Variants in SNTG1 observed in about 807,000 individuals in gnomAD.
SNTG1 encodes the protein syntrophin gamma 1.
SNTG1 carries 39 observed loss-of-function variants against 74.7 expected under a neutral mutation model. That is an observed-to-expected ratio of 0.52 (90% CI 0.40 to 0.68). The LOEUF (loss-of-function observed/expected upper bound fraction) is 0.68. Among genes scored for constraint, SNTG1 ranks in the 30% least tolerant of loss-of-function variants. SNTG1 has a pLI of 0.00. For synonymous variants in SNTG1, 254 were observed against 217.1 expected, an observed-to-expected ratio of 1.17 and a Z score of -1.49; for missense variants, 685 against 609.5, an observed-to-expected ratio of 1.12 and a Z score of -1.30.
chr8:50,337,918 T>C (rs556954551), intron 2 of SNTG1, among the ~76,000 whole-genome samples: 24 of 152,194 alleles, frequency 1.6e-4, no homozygotes, highest in Admixed American at 1.1e-3. Flanking sequence ...GGGCGGATCA[T>C]GAGGTCAGGA....
chr8:50,375,164 G>A (rs192451125), intron 2 of SNTG1, among the ~76,000 whole-genome samples: 87 of 152,218 alleles, frequency 5.7e-4, no homozygotes, highest in Non-Finnish European at 1.0e-3. Context: ...CATCATTTCT[G>A]AAACTCTATG....
At chr8:50,076,032 A>G (rs1821848357) in intron 1 of SNTG1, among the ~76,000 whole-genome samples, 1 of 152,212 alleles carries the variant, frequency 6.6e-6, no homozygotes. Context: ...CAGATCATAC[A>G]AGGTGCAAAT....
chr8:50,360,042 T>A (rs1024063874), intron 2 of SNTG1, among the ~76,000 whole-genome samples: 1 of 152,156 alleles, frequency 6.6e-6, no homozygotes, highest in African/African-American at 2.4e-5. Context: ...GATAAATTAA[T>A]GAGTGACTCA....
At position 50,405,442 on chromosome 8, in the gene SNTG1, C is replaced by T. The variant is rs186277291; in HGVS notation, c.162+3098C>T. Among the ~76,000 whole-genome samples the T allele has an allele frequency of 3.3e-5, 5 of 152,068 alleles. No individual in the cohort carries two copies. In the East Asian group the frequency reaches 5.8e-4, roughly 18 times the overall value. On this transcript the variant is annotated intron_variant, in intron 4 of 18. Transcript: ENST00000642720. ...TTTATGTGCTTATTGTCTACTTGTG[C>T]GTCCTCTTTGGGTAAGTGTCTATTC... is the stretch of plus-strand genomic sequence containing the variant.
chr8:50,187,813 T>C (rs1480300118), intron 2 of SNTG1, among the ~76,000 whole-genome samples: 1 of 152,124 alleles, frequency 6.6e-6, no homozygotes, highest in Non-Finnish European at 1.5e-5. Flanking sequence ...ATACCTGTAG[T>C]AAGTATTCCA....
chr8:50,529,619 A>T (rs941531221), intron 9 of SNTG1, among the ~76,000 whole-genome samples: 11 of 152,128 alleles, frequency 7.2e-5, no homozygotes, highest in African/African-American at 2.7e-4. Context: ...CATCTTTAAA[A>T]AATAGATATT....
intron 8 of SNTG1, among the ~76,000 whole-genome samples, chr8:50,460,705 C>A (rs1319002508): frequency 6.6e-6 from 1 of 152,094 alleles, no homozygotes; most frequent in Non-Finnish European, 1.5e-5. Context: ...CCGCATATGA[C>A]TAGCTAGCTA....
At chr8:50,460,908 T>C (rs2093555266) in intron 8 of SNTG1, among the ~76,000 whole-genome samples, 1 of 152,180 alleles carries the variant, frequency 6.6e-6, no homozygotes, top group African/African-American at 2.4e-5. Flanking sequence ...CTAATATTAA[T>C]ATCTTTTGAT....
At chr8:50,043,267 T>C (rs1818796688) in intron 1 of SNTG1, among the ~76,000 whole-genome samples, 1 of 152,226 alleles carries the variant, frequency 6.6e-6, no homozygotes, top group Non-Finnish European at 1.5e-5. Flanking sequence ...TTTTTATAAG[T>C]AAAGCAAATG....
At chr8:50,006,207 G>A (rs1349287451) in intron 1 of SNTG1, among the ~76,000 whole-genome samples, 3 of 151,618 alleles carry the variant, frequency 2.0e-5, no homozygotes, top group Admixed American at 6.6e-5. Flanking sequence ...GTGATCCACC[G>A]GCCTCAGCCT....
intron 1 of SNTG1, among the ~76,000 whole-genome samples, chr8:49,994,411 A>G (rs1333278366): frequency 7.3e-6 from 1 of 136,662 alleles, no homozygotes; most frequent in Non-Finnish European, 1.6e-5. Context: ...ACCCGCCACC[A>G]TGCCCGGCTA....
At chr8:50,289,747 G>A (rs930652877) in intron 2 of SNTG1, among the ~76,000 whole-genome samples, 20 of 152,240 alleles carry the variant, frequency 1.3e-4, no homozygotes, top group African/African-American at 4.6e-4. Context: ...TCAGCAAACA[G>A]TTTTGAAATG....
chr8:50,688,538 G>C (rs930299556), intron 15 of SNTG1, among the ~76,000 whole-genome samples: 9 of 152,048 alleles, frequency 5.9e-5, no homozygotes, highest in Non-Finnish European at 1.0e-4. Flanking sequence ...GCTTGTTTTT[G>C]TCAGGTTTGT....
At chr8:50,045,931 G>T (rs906868359) in intron 1 of SNTG1, among the ~76,000 whole-genome samples, 18 of 152,168 alleles carry the variant, frequency 1.2e-4, no homozygotes, top group African/African-American at 4.3e-4. Context: ...AGCTCAACGA[G>T]ATCAGGGGTT....
chr8:50,518,638 C>G (rs1244161610), intron 9 of SNTG1, among the ~76,000 whole-genome samples: 1 of 152,116 alleles, frequency 6.6e-6, no homozygotes, highest in Non-Finnish European at 1.5e-5. Flanking sequence ...ACTGATCCCA[C>G]AGAAATATAT....
At chr8:50,049,011 A>T (rs1013261282) in intron 1 of SNTG1, among the ~76,000 whole-genome samples, 2 of 152,102 alleles carry the variant, frequency 1.3e-5, no homozygotes, top group Admixed American at 6.6e-5. Flanking sequence ...AGTTAAAAAA[A>T]CTATAATTGG....
intron 2 of SNTG1, among the ~76,000 whole-genome samples, chr8:50,340,136 T>C (rs1013520677): frequency 3.3e-5 from 5 of 152,014 alleles, no homozygotes; most frequent in Non-Finnish European, 7.4e-5. Context: ...GTTAAGATGT[T>C]GATTTTTCCT....
At chr8:50,433,486 T>TC (rs1438421989) in intron 4 of SNTG1, among the ~76,000 whole-genome samples, 1 of 151,536 alleles carries the variant, frequency 6.6e-6, no homozygotes, top group Non-Finnish European at 1.5e-5. Context: ...TCTGTTTTTT[T>TC]TTTTTTTCAT....
At chr8:49,953,414 C>T (rs1219523427) in intron 1 of SNTG1, among the ~76,000 whole-genome samples, 1 of 152,120 alleles carries the variant, frequency 6.6e-6, no homozygotes, top group Non-Finnish European at 1.5e-5. Flanking sequence ...TGATGCTGCC[C>T]ATTGGCCATA....
Sources: gnomAD v4.1 joint callset for allele counts (sites outside exome capture counted in the v4.1 genomes callset) on GRCh38, gnomAD v4.1.1 for gene constraint, MANE v1.5 for transcripts, NCBI Gene and HGNC (gene_info 2026-07-23, HGNC 2026-07-21) for gene names.